The following NAALADL2 variants were observed in gnomAD, a reference collection of about 807,000 sequenced individuals.
The protein encoded by NAALADL2 is inactive N-acetylated-alpha-linked acidic dipeptidase-like protein 2.
Under a neutral mutation model 87.2 loss-of-function variants are expected in NAALADL2, and 76 were observed. That is an observed-to-expected ratio of 0.87 (90% CI 0.72 to 1.05). The LOEUF is 1.05. Among genes scored for constraint, NAALADL2 ranks in the 50% least tolerant of loss-of-function variants. The pLI is 0.00. For missense variants in NAALADL2, 1,089 were observed against 945.8 expected (o/e 1.15, Z -1.99); for synonymous variants, 354 against 331.0 (o/e 1.07, Z -0.75).
chr3:175,547,250 G>T (rs1268802159), intron 9 of NAALADL2, among the ~76,000 whole-genome samples: 1 of 152,098 alleles, frequency 6.6e-6, no homozygotes, highest in East Asian at 1.9e-4. Flanking sequence ...AGAGAACCCA[G>T]AAATAAGACT....
chr3:175,716,355 A>ATG (rs559160373), intron 11 of NAALADL2, among the ~76,000 whole-genome samples: 249 of 147,018 alleles, frequency 1.7e-3, no homozygotes, highest in African/African-American at 5.8e-3. Flanking sequence ...ATATATGTAT[A>ATG]TGTGTGTGTG....
At chr3:175,627,653 G>A (rs1219088244) in intron 11 of NAALADL2, among the ~76,000 whole-genome samples, 1 of 151,570 alleles carries the variant, frequency 6.6e-6, no homozygotes, top group Non-Finnish European at 1.5e-5. Flanking sequence ...ATGATCTTGG[G>A]CTAGCGCTGG....
In NAALADL2 at chr3:175,221,669, T is replaced by C. The variant is rs578168139; in HGVS notation, c.546-12262T>C. ...AATATATCTGTTTTTATTTAATAACTCAACCACTACAGCTACACAATGGCT... is the reference window on the plus strand; with the variant it reads ...AATATATCTGTTTTTATTTAATAACCCAACCACTACAGCTACACAATGGCT... On this transcript the variant is annotated intron_variant, in intron 2 of 13. Transcript: ENST00000454872. Among the ~76,000 whole-genome samples, 85 of 152,246 alleles carry C rather than the reference T, an allele frequency of 5.6e-4. 3 individuals are homozygous for C. The South Asian group carries it at 0.014, about 26-fold the overall frequency.
intron 2 of NAALADL2, among the ~76,000 whole-genome samples, chr3:175,160,014 C>CTTTTTTTTTTTTTTTTT (rs1732904695): frequency 9.2e-5 from 4 of 43,664 alleles, no homozygotes; most frequent in Admixed American, 2.6e-4. Context: ...TTTTTTTTTA[C>CTTTTTTTTTTTTTTTTT]TTTTAGTAGA....
At chr3:174,664,285 G>A (rs915956261) in intron 2 of NAALADL2, among the ~76,000 whole-genome samples, 1 of 152,106 alleles carries the variant, frequency 6.6e-6, no homozygotes, top group African/African-American at 2.4e-5. Context: ...TTTTAATACC[G>A]AACAATTAAT....
At chr3:175,502,233 G>GTA (rs1163615437) in intron 9 of NAALADL2, among the ~76,000 whole-genome samples, 4 of 116,262 alleles carry the variant, frequency 3.4e-5, no homozygotes, top group African/African-American at 1.5e-4. Context: ...TCCTGGGTGT[G>GTA]TGTGTGTGTG....
chr3:175,712,666 G>T (rs957417878), intron 11 of NAALADL2, among the ~76,000 whole-genome samples: 1 of 152,098 alleles, frequency 6.6e-6, no homozygotes, highest in Admixed American at 6.6e-5. Flanking sequence ...ATGTATAGAT[G>T]CATCAGAAGG....
intron 4 of NAALADL2, among the ~76,000 whole-genome samples, chr3:175,304,886 T>G (rs2110251053): frequency 6.6e-6 from 1 of 152,290 alleles, no homozygotes; most frequent in Non-Finnish European, 1.5e-5. Flanking sequence ...AAATAATTCC[T>G]TTATCATACT....
intron 1 of NAALADL2, among the ~76,000 whole-genome samples, chr3:174,950,175 C>T (rs766144076): frequency 6.6e-6 from 1 of 151,934 alleles, no homozygotes; most frequent in Non-Finnish European, 1.5e-5. Flanking sequence ...AAACTTTGGT[C>T]GCCCCCAGAT....
In NAALADL2 at chr3:175,807,097, A is replaced by G. The variant is rs1156230845; in HGVS notation, c.*3894A>G. The G allele has an allele frequency of 6.6e-6, 1 of 151,836 alleles. No homozygotes were observed. The highest frequency in any genetic ancestry group is 2.4e-5 in the African/African-American group (1 of 41,410). The allele number at this position is 151,836 out of a possible 1,614,324, so 9.4% of individuals were successfully genotyped here. A position where few individuals can be genotyped will look rare whatever the true frequency, so the allele number is the denominator to read the frequency against. ...GGCAAGTGCACCATTGTGGAATATC[A>G]TGACGAGTAGGCTTACAAACAGTAA... On this transcript the variant is annotated 3_prime_UTR_variant, in exon 14 of 14. Transcript: ENST00000454872.
chr3:175,133,142 C>T (rs1189055060), intron 2 of NAALADL2, among the ~76,000 whole-genome samples: 1 of 151,294 alleles, frequency 6.6e-6, no homozygotes, highest in Non-Finnish European at 1.5e-5. Context: ...GGCAGAGACG[C>T]TCCTCACTTC....
chr3:175,787,359 G>C (rs947195415), intron 13 of NAALADL2, among the ~76,000 whole-genome samples: 3 of 152,202 alleles, frequency 2.0e-5, no homozygotes, highest in Non-Finnish European at 4.4e-5. Context: ...CTAGCAATCA[G>C]TGAGACTCCG....
chr3:175,252,631 G>T (rs1749257585), intron 3 of NAALADL2, among the ~76,000 whole-genome samples: 1 of 152,156 alleles, frequency 6.6e-6, no homozygotes, highest in African/African-American at 2.4e-5. Context: ...AAATGATTAA[G>T]CTTAGTAAGG....
intron 3 of NAALADL2, among the ~76,000 whole-genome samples, chr3:174,756,953 A>C (rs73174727): frequency 0.11 from 16,678 of 151,434 alleles, 2,207 homozygotes; most frequent in Non-Finnish European, 0.14. Flanking sequence ...TATAGACAAA[A>C]AAAACAAAAC....
At chr3:174,831,479 G>A (rs1001371634) in intron 3 of NAALADL2, among the ~76,000 whole-genome samples, 10 of 141,028 alleles carry the variant, frequency 7.1e-5, no homozygotes, top group Admixed American at 4.2e-4. Flanking sequence ...TGGTGGATAA[G>A]CTTTTTGATG....
At chr3:174,890,567 T>G (rs1345798691) in intron 1 of NAALADL2, among the ~76,000 whole-genome samples, 1 of 152,144 alleles carries the variant, frequency 6.6e-6, no homozygotes, top group Non-Finnish European at 1.5e-5. Context: ...GTAGAATGAA[T>G]AAGCACAGAG....
intron 2 of NAALADL2, among the ~76,000 whole-genome samples, chr3:175,189,936 A>T (rs1737900694): frequency 6.6e-6 from 1 of 152,224 alleles, no homozygotes; most frequent in Non-Finnish European, 1.5e-5. Context: ...ATATACAGTG[A>T]ACTTGCATGC....
chr3:175,346,024 T>C (rs996438202), intron 5 of NAALADL2, among the ~76,000 whole-genome samples: 8 of 152,298 alleles, frequency 5.3e-5, no homozygotes, highest in Non-Finnish European at 1.2e-4. Context: ...CAAAGGAAAT[T>C]CATGAGAAAG....
intron 3 of NAALADL2, among the ~76,000 whole-genome samples, chr3:175,237,554 C>T (rs963823528): frequency 2.0e-4 from 31 of 152,016 alleles, no homozygotes; most frequent in African/African-American, 7.0e-4. Flanking sequence ...GTTATATGTT[C>T]GATATGTTCG....
Sources: gnomAD v4.1 joint callset for allele counts (sites outside exome capture counted in the v4.1 genomes callset) on GRCh38, gnomAD v4.1.1 for gene constraint, MANE v1.5 for transcripts, NCBI Gene and HGNC (gene_info 2026-07-23, HGNC 2026-07-21) for gene names.